The following HS3ST3A1 variants were observed in gnomAD, a reference collection of about 807,000 sequenced individuals.
HS3ST3A1 encodes the protein heparan sulfate glucosamine 3-O-sulfotransferase 3A1.
A neutral mutation model predicts 25.7 loss-of-function variants in HS3ST3A1; 19 were observed. That is an observed-to-expected ratio of 0.74 (90% CI 0.52 to 1.08). The LOEUF (loss-of-function observed/expected upper bound fraction) is 1.08, where lower values mean the gene tolerates loss of function less well. Ranked by LOEUF, HS3ST3A1 falls within the 50% of genes least tolerant of loss-of-function variation. The pLI is 0.00. For missense variants in HS3ST3A1, 459 were observed against 594.3 expected (o/e 0.77, Z 2.37); for synonymous variants, 226 against 278.6 (o/e 0.81, Z 1.88).
At chr17:13,513,285 C>T (rs1416774688) in intron 1 of HS3ST3A1, among the ~76,000 whole-genome samples, 1 of 152,202 alleles carries the variant, frequency 6.6e-6, no homozygotes, top group Admixed American at 6.5e-5. Context: ...ATCTGTGTGA[C>T]GGAACAGAAA....
Position 13,591,104 on chromosome 17 carries a change from T to C in HS3ST3A1, c.599+9427A>G, listed in dbSNP as rs545332460. Reference sequence around the variant, plus strand: ...CTCTGTCAGCCAGACTGGAGTGCAGTGGTGAGATCTTGGCTCACTGCTACC... The same window carrying C: ...CTCTGTCAGCCAGACTGGAGTGCAGCGGTGAGATCTTGGCTCACTGCTACC... On this transcript the variant is annotated intron_variant, in intron 1 of 1. Transcript: ENST00000284110. Among the ~76,000 whole-genome samples, 9 of 150,460 alleles carry C rather than the reference T, an allele frequency of 6.0e-5. No homozygotes were observed. The South Asian group carries it at 1.3e-3, about 21-fold the overall frequency.
At chr17:13,577,156 C>A (rs1802426134) in intron 1 of HS3ST3A1, among the ~76,000 whole-genome samples, 1 of 152,198 alleles carries the variant, frequency 6.6e-6, no homozygotes, top group Admixed American at 6.5e-5. Context: ...GATCCACCCC[C>A]ATGATTCAAT....
chr17:13,600,095 T>G (rs745401015), intron 1 of HS3ST3A1, among the ~76,000 whole-genome samples: 1 of 152,194 alleles, frequency 6.6e-6, no homozygotes, highest in Non-Finnish European at 1.5e-5. Flanking sequence ...AATAAATACC[T>G]GATGGTAAAG....
chr17:13,532,603 C>T (rs906287184), intron 1 of HS3ST3A1, among the ~76,000 whole-genome samples: 1 of 151,972 alleles, frequency 6.6e-6, no homozygotes, highest in African/African-American at 2.4e-5. Flanking sequence ...TGGAGATCAA[C>T]ACAAGCAAGA....
At chr17:13,559,700 G>A (rs73296150) in intron 1 of HS3ST3A1, among the ~76,000 whole-genome samples, 3,628 of 151,736 alleles carry the variant, frequency 0.024, 162 homozygotes, top group African/African-American at 0.083. Context: ...AAATGAACAT[G>A]TTCCTACCAA....
chr17:13,523,784 A>G (rs892714633), intron 1 of HS3ST3A1, among the ~76,000 whole-genome samples: 20 of 152,200 alleles, frequency 1.3e-4, no homozygotes, highest in Non-Finnish European at 2.6e-4. Flanking sequence ...AGATATATCT[A>G]AAATTCATTA....
At chr17:13,548,474 G>A (rs1476908619) in intron 1 of HS3ST3A1, among the ~76,000 whole-genome samples, 1 of 152,130 alleles carries the variant, frequency 6.6e-6, no homozygotes, top group Non-Finnish European at 1.5e-5. Context: ...AATTTTGCAG[G>A]AACATGTTTA....
intron 1 of HS3ST3A1, among the ~76,000 whole-genome samples, chr17:13,525,253 T>C (rs1056275005): frequency 6.6e-6 from 1 of 152,224 alleles, no homozygotes; most frequent in Admixed American, 6.5e-5. Context: ...TATTGTGATG[T>C]CTTAACTTTC....
chr17:13,569,655 C>G (rs944241631), intron 1 of HS3ST3A1, among the ~76,000 whole-genome samples: 1 of 152,146 alleles, frequency 6.6e-6, no homozygotes, highest in Admixed American at 6.5e-5. Flanking sequence ...AGCGATTTTT[C>G]AGGCGTTCAT....
rs7213348 is a variant in HS3ST3A1 at position 13,547,969 on chromosome 17, C to T, written c.600-51151G>A. ...CAAAAAAAAAAAAAAAAAAACCACA[C>T]GTTTGGCGTCAGGTATGGTGTTATT... On this transcript the variant is annotated intron_variant, in intron 1 of 1. Coordinates refer to ENST00000284110, the MANE Select transcript of HS3ST3A1 (RefSeq NM_006042.3). Among the ~76,000 whole-genome samples the T allele has an allele frequency of 5.3e-3, 797 of 149,368 alleles. 8 individuals are homozygous for T. The highest frequency in any genetic ancestry group is 0.019 in the African/African-American group (764 of 40,472).
chr17:13,495,019 A>G lies in HS3ST3A1; in HGVS notation c.*1178T>C, dbSNP rs1310881159. On this transcript the variant is annotated 3_prime_UTR_variant, in exon 2 of 2. Coordinates refer to ENST00000284110, the MANE Select transcript of HS3ST3A1 (RefSeq NM_006042.3). ...AAACGAACTGCTAATTAATTCTTTC[A>G]GAGTACTAGCTCCAAAGTTAGAAGT... 6.6e-6 allele frequency among the ~76,000 whole-genome samples: 1 copy of G among 152,236 alleles called. No homozygotes were observed. Among genetic ancestry groups the G allele is most frequent in the East Asian group, 1.9e-4 (1 of 5,202 alleles).
chr17:13,550,040 T>TAAA, intron 1 of HS3ST3A1, among the ~76,000 whole-genome samples: 1 of 152,336 alleles, frequency 6.6e-6, no homozygotes, highest in East Asian at 1.9e-4. Context: ...TCTCATTTAT[T>TAAA]CTCAGAGCCT....
intron 1 of HS3ST3A1, among the ~76,000 whole-genome samples, chr17:13,559,136 C>T (rs763193932): frequency 6.6e-6 from 1 of 152,162 alleles, no homozygotes; most frequent in Non-Finnish European, 1.5e-5. Flanking sequence ...TTGTGTAAAA[C>T]AATGAATACC....
At chr17:13,561,083 G>A (rs1907535195) in intron 1 of HS3ST3A1, among the ~76,000 whole-genome samples, 1 of 152,078 alleles carries the variant, frequency 6.6e-6, no homozygotes, top group South Asian at 2.1e-4. Context: ...AGTCATCTTG[G>A]GAGCTTTTAA....
At position 13,600,602 on chromosome 17, in the gene HS3ST3A1, G is replaced by A; in HGVS notation, c.528C>T (p.Pro176=). The A allele has an allele frequency of 6.2e-7, 1 of 1,600,292 alleles. No individual in the cohort carries two copies. The highest frequency in any genetic ancestry group is 8.5e-7 in the Non-Finnish European group (1 of 1,177,978). ...RALLEFLRVH[P]DVRAVGAEPH... Reference sequence around the variant, plus strand: ...GCTCGGCGCCCACGGCGCGCACGTCGGGGTGCACGCGCAGGAACTCCAGCA... The same window carrying A: ...GCTCGGCGCCCACGGCGCGCACGTCAGGGTGCACGCGCAGGAACTCCAGCA... Residue 176 remains proline (P), a synonymous_variant, in exon 1 of 2, where the codon CCC becomes CCT. Transcript: ENST00000284110.
At chr17:13,594,226 T>G (rs1273790802) in intron 1 of HS3ST3A1, among the ~76,000 whole-genome samples, 3 of 152,156 alleles carry the variant, frequency 2.0e-5, no homozygotes, top group Non-Finnish European at 4.4e-5. Context: ...CTTGGTCACT[T>G]GGTTAAGGTG....
rs1444943661 is a variant in HS3ST3A1, at chr17:13,600,840, C to T, written c.290G>A (p.Arg97Gln). 2.1e-6 allele frequency: 3 copies of T among 1,423,244 alleles called. No individual in the cohort carries two copies. The highest frequency in any genetic ancestry group is 1.5e-5 in the African/African-American group (1 of 65,940). The allele number at this position is 1,423,244 out of a possible 1,614,324, so 88.2% of individuals were successfully genotyped here. A position where few individuals can be genotyped will look rare whatever the true frequency, so the allele number is the denominator to read the frequency against. ...GCGGGGCGCGGGCGGCCGGCGCCTC[C>T]GCCACTGCGGCAGTTGCAGGAGGCG... ...RKRLLQLPQW[R>Q]RRRPPAPRDD... Residue 97 changes from arginine (R) to glutamine (Q), a missense_variant, in exon 1 of 2, where the codon CGG becomes CAG. By Grantham distance (43) the Arg-to-Gln change is conservative. Transcript: ENST00000284110.
At chr17:13,510,376 A>T (rs1905820550) in intron 1 of HS3ST3A1, among the ~76,000 whole-genome samples, 1 of 152,250 alleles carries the variant, frequency 6.6e-6, no homozygotes, top group South Asian at 2.1e-4. Context: ...CCTTGCTTGC[A>T]AATCAACAAT....
rs1905259717 is a variant in HS3ST3A1, at chr17:13,496,204, TC to T, written c.1213del (p.Asp405MetfsTer7). 1 of 1,601,544 alleles carries T rather than the reference TC, an allele frequency of 6.2e-7. No individual in the cohort carries two copies. Among genetic ancestry groups the T allele is most frequent in the Non-Finnish European group, 8.5e-7 (1 of 1,173,724 alleles). ...YQMTGHDFGW[D>X]G is the part of the protein sequence containing the mutation. ...TCTTTTTAAATTATATGGTTATCCA[TC>T]CCAGCCAAAGTCGTGCCCGGTCATC... On this transcript the variant is annotated frameshift_variant, in exon 2 of 2. Transcript: ENST00000284110. LOFTEE classifies it high-confidence loss of function.
Sources: allele counts gnomAD v4.1 joint callset (sites outside exome capture counted in the v4.1 genomes callset), GRCh38; gene constraint gnomAD v4.1.1; transcripts MANE v1.5; gene names NCBI Gene and HGNC (gene_info 2026-07-23, HGNC 2026-07-21).